KLF12: variants seen among roughly 807,000 people sequenced by gnomAD.
KLF12 encodes Krueppel-like factor 12.
In KLF12, 9 loss-of-function variants were observed where a neutral mutation model predicts 37.8. The ratio of observed to expected loss-of-function variants is 0.24; its 90% CI spans 0.14 to 0.42. The LOEUF (loss-of-function observed/expected upper bound fraction) is 0.42, where lower values mean the gene tolerates loss of function less well. Ranked by LOEUF, KLF12 falls within the 10% of genes least tolerant of loss-of-function variation. The probability of loss-of-function intolerance (pLI) is 1.00; values close to 1 mark genes in which losing one functional copy is unlikely to be tolerated. For synonymous variants in KLF12, 208 were observed against 202.1 expected (o/e 1.03, Z -0.25); for missense variants, 411 against 516.0 (o/e 0.80, Z 1.97).
chr13:74,275,806 CCTTCTTTCTTTCTTTCT>C, the KLF12 span, among the ~76,000 whole-genome samples: 13 of 79,618 alleles, frequency 1.6e-4, no homozygotes, highest in African/African-American at 5.9e-4. Flanking sequence ...TTCTTTCTTT[CCTTCTTTCTTTCTTTCT>C]TTCTTTCTTT....
intron 3 of KLF12, among the ~76,000 whole-genome samples, chr13:73,934,271 C>T (rs376081864): frequency 1.1e-4 from 16 of 152,198 alleles, no homozygotes; most frequent in South Asian, 4.1e-4. Flanking sequence ...TTATCACTTA[C>T]GACTTACTGA....
At chr13:73,928,882 T>A (rs1889532216) in intron 3 of KLF12, among the ~76,000 whole-genome samples, 1 of 152,186 alleles carries the variant, frequency 6.6e-6, no homozygotes, top group Admixed American at 6.5e-5. Context: ...GGGTGTCAGA[T>A]AATATAAGTG....
chr13:74,162,564 T>C, the KLF12 span, among the ~76,000 whole-genome samples: 1 of 152,322 alleles, frequency 6.6e-6, no homozygotes, highest in East Asian at 1.9e-4. Context: ...GGCTCTGAAA[T>C]AGTAGGATTT....
At chr13:73,944,286 T>C (rs1177979532) in intron 2 of KLF12, among the ~76,000 whole-genome samples, 1 of 152,236 alleles carries the variant, frequency 6.6e-6, no homozygotes, top group East Asian at 1.9e-4. Context: ...AGCAGTCTGA[T>C]TCTCTGACCT....
the KLF12 span, among the ~76,000 whole-genome samples, chr13:74,179,608 C>G: frequency 4.8e-4 from 73 of 152,252 alleles, 1 homozygote; most frequent in Non-Finnish European, 2.9e-5. Flanking sequence ...TCCCTGACCT[C>G]CATTTTAAGA....
the KLF12 span, among the ~76,000 whole-genome samples, chr13:74,230,526 A>G: frequency 1.3e-5 from 2 of 152,118 alleles, no homozygotes; most frequent in East Asian, 3.8e-4. Flanking sequence ...AATTCTATTC[A>G]AGGGCTAGGA....
chr13:73,895,967 C>T (rs114987318), intron 3 of KLF12, among the ~76,000 whole-genome samples: 3 of 152,058 alleles, frequency 2.0e-5, no homozygotes, highest in South Asian at 2.1e-4. Flanking sequence ...ACTACAGCCG[C>T]GTGCCACCAC....
chr13:74,116,084 G>T (rs960424809), intron 1 of KLF12, among the ~76,000 whole-genome samples: 2 of 152,128 alleles, frequency 1.3e-5, no homozygotes, highest in African/African-American at 4.8e-5. Flanking sequence ...TAAACTTATA[G>T]ATAAACCCAA....
chr13:73,722,770 A>G (rs1357968790), intron 6 of KLF12, among the ~76,000 whole-genome samples: 1 of 152,222 alleles, frequency 6.6e-6, no homozygotes, highest in African/African-American at 2.4e-5. Flanking sequence ...TATTCAAACT[A>G]GCGTTTGGCA....
chr13:73,796,273 G>A (rs899193366), intron 5 of KLF12, among the ~76,000 whole-genome samples: 4 of 151,910 alleles, frequency 2.6e-5, no homozygotes, highest in African/African-American at 7.3e-5. Flanking sequence ...TTCCTACTCC[G>A]TTAGCACTGA....
intron 6 of KLF12, among the ~76,000 whole-genome samples, chr13:73,763,731 C>A (rs1043463481): frequency 2.6e-5 from 4 of 152,094 alleles, no homozygotes; most frequent in African/African-American, 9.7e-5. Context: ...AAGAACAGAC[C>A]TGATTTGTCC....
At chr13:74,041,984 T>C (rs1333696310) in intron 1 of KLF12, among the ~76,000 whole-genome samples, 4 of 152,152 alleles carry the variant, frequency 2.6e-5, no homozygotes, top group Non-Finnish European at 5.9e-5. Flanking sequence ...CTGTAATGTA[T>C]AGTTTAGTCA....
At chr13:74,252,429 G>T in the KLF12 span, among the ~76,000 whole-genome samples, 1 of 152,142 alleles carries the variant, frequency 6.6e-6, no homozygotes, top group African/African-American at 2.4e-5. Flanking sequence ...GCAGCTTTTG[G>T]CTAGGACCCA....
chr13:74,134,298 G>A (rs1239112794), upstream of KLF12, among the ~76,000 whole-genome samples: 1 of 152,090 alleles, frequency 6.6e-6, no homozygotes, highest in Non-Finnish European at 1.5e-5. Context: ...GAGGGCGGGG[G>A]CGGCGGCGGG....
chr13:74,218,636 G>A, the KLF12 span, among the ~76,000 whole-genome samples: 8 of 152,222 alleles, frequency 5.3e-5, no homozygotes, highest in Non-Finnish European at 8.8e-5. Flanking sequence ...ATGCACAAAC[G>A]AGTCATTTTG....
intron 4 of KLF12, among the ~76,000 whole-genome samples, chr13:73,814,576 T>A (rs1883116681): frequency 6.6e-6 from 1 of 152,228 alleles, no homozygotes; most frequent in African/African-American, 2.4e-5. Context: ...TTGATACACA[T>A]CCTGACTTTA....
At chr13:74,080,979 T>C (rs976984914) in intron 1 of KLF12, among the ~76,000 whole-genome samples, 1 of 152,202 alleles carries the variant, frequency 6.6e-6, no homozygotes, top group African/African-American at 2.4e-5. Context: ...CAGCTCTACC[T>C]GCATCATGCC....
intron 3 of KLF12, among the ~76,000 whole-genome samples, chr13:73,915,689 A>ATTTTTTTTTTTTT (rs140697314): frequency 2.0e-5 from 2 of 99,150 alleles, no homozygotes; most frequent in South Asian, 3.3e-4. Context: ...ATTTTTTTGT[A>ATTTTTTTTTTTTT]TTTTTTTTTT....
chr13:74,228,194 C>T, the KLF12 span, among the ~76,000 whole-genome samples: 1 of 152,068 alleles, frequency 6.6e-6, no homozygotes, highest in African/African-American at 2.4e-5. Context: ...ATATTATCTT[C>T]CTCTTCTACA....
Sources: gnomAD v4.1 joint callset for allele counts (sites outside exome capture counted in the v4.1 genomes callset) on GRCh38, gnomAD v4.1.1 for gene constraint, MANE v1.5 for transcripts, NCBI Gene and HGNC (gene_info 2026-07-23, HGNC 2026-07-21) for gene names.